CSMD1: variants seen among roughly 807,000 people sequenced by gnomAD.
CSMD1 encodes CUB and Sushi multiple domains 1, also known as CUB and sushi domain-containing protein 1.
Under a neutral mutation model 417.5 loss-of-function variants are expected in CSMD1, and 213 were observed. That is an observed-to-expected ratio of 0.51 (90% CI 0.46 to 0.57). The LOEUF (loss-of-function observed/expected upper bound fraction) is 0.57. Among genes scored for constraint, CSMD1 ranks in the 20% least tolerant of loss-of-function variants. The pLI is 0.00. For synonymous variants in CSMD1, 2,862 were observed against 1,736.8 expected (o/e 1.65, Z -16.11); for missense variants, 6,923 against 4,529.7 (o/e 1.53, Z -15.17).
At chr8:3,238,341 A>G (rs1005493555) in intron 26 of CSMD1, among the ~76,000 whole-genome samples, 2 of 152,182 alleles carry the variant, frequency 1.3e-5, no homozygotes, top group African/African-American at 4.8e-5. Context: ...GGAACTGGCC[A>G]TCTGGATGTG....
At chr8:4,333,347 C>T (rs760382341) in intron 3 of CSMD1, among the ~76,000 whole-genome samples, 5 of 152,022 alleles carry the variant, frequency 3.3e-5, no homozygotes, top group Non-Finnish European at 7.4e-5. Context: ...ACAGAAAGGG[C>T]GAGCGCAGGG....
At chr8:3,292,186 G>C (rs963358363) in intron 25 of CSMD1, among the ~76,000 whole-genome samples, 4 of 152,200 alleles carry the variant, frequency 2.6e-5, no homozygotes, top group African/African-American at 9.6e-5. Flanking sequence ...ACTGTGGTCT[G>C]AGAGACAGTT....
Position 3,956,495 on chromosome 8 carries a change from T to C in CSMD1, c.818+41408A>G, listed in dbSNP as rs143699834. Among the ~76,000 whole-genome samples, 336 of 152,282 alleles carry C rather than the reference T, an allele frequency of 2.2e-3. 1 individual carries two copies. The highest frequency in any genetic ancestry group is 7.7e-3 in the African/African-American group (322 of 41,558). On this transcript the variant is annotated intron_variant, in intron 5 of 69. Transcript: ENST00000635120. ...TCCACGTACATTCCTAAAGAGATTG[T>C]AGGAAAAATAAAGAGGACAGGTGGA...
intron 1 of CSMD1, among the ~76,000 whole-genome samples, chr8:4,917,363 G>A (rs932530639): frequency 3.9e-5 from 6 of 152,308 alleles, no homozygotes; most frequent in East Asian, 1.9e-4. Flanking sequence ...GGCAGGGTGC[G>A]GCGGCTCACG....
chr8:3,364,595 T>C (rs879938840), intron 20 of CSMD1, among the ~76,000 whole-genome samples: 3 of 152,154 alleles, frequency 2.0e-5, no homozygotes, highest in Non-Finnish European at 4.4e-5. Context: ...TGATCCCCTT[T>C]TTGGGAGTGT....
intron 2 of CSMD1, among the ~76,000 whole-genome samples, chr8:4,571,934 G>T (rs1157209503): frequency 6.6e-6 from 1 of 152,138 alleles, no homozygotes; most frequent in East Asian, 1.9e-4. Context: ...CAGAGACTAG[G>T]ATTGCAACCC....
chr8:3,422,231 G>T (rs1813540940), intron 12 of CSMD1, among the ~76,000 whole-genome samples: 1 of 152,084 alleles, frequency 6.6e-6, no homozygotes, highest in South Asian at 2.1e-4. Context: ...TTCCTCAAGG[G>T]CTGGACTCAC....
chr8:4,864,705 C>T (rs970514580), intron 1 of CSMD1, among the ~76,000 whole-genome samples: 1 of 151,714 alleles, frequency 6.6e-6, no homozygotes, highest in Non-Finnish European at 1.5e-5. Flanking sequence ...TCTGCAGAAA[C>T]TACCTTTGAA....
intron 3 of CSMD1, among the ~76,000 whole-genome samples, chr8:4,387,263 A>G (rs902548992): frequency 3.9e-5 from 6 of 152,196 alleles, no homozygotes; most frequent in Non-Finnish European, 7.3e-5. Flanking sequence ...TTCTTAAGCT[A>G]TAGGAGCAGA....
chr8:3,775,148 G>T (rs1798831640), intron 5 of CSMD1, among the ~76,000 whole-genome samples: 1 of 152,174 alleles, frequency 6.6e-6, no homozygotes, highest in African/African-American at 2.4e-5. Context: ...TGCAGATAAG[G>T]AGGAACTACT....
At chr8:4,552,776 G>T (rs1010718511) in intron 2 of CSMD1, among the ~76,000 whole-genome samples, 5 of 152,210 alleles carry the variant, frequency 3.3e-5, no homozygotes, top group South Asian at 4.2e-4. Context: ...CAGAAGGGTG[G>T]TAAAGTGCTT....
rs74796000 is a variant in CSMD1, at chr8:4,471,464, T to A, written c.303-51399A>T. 4.0e-4 allele frequency among the ~76,000 whole-genome samples: 61 copies of A among 152,174 alleles called. No individual in the cohort carries two copies. In the East Asian group the frequency reaches 0.011, roughly 28 times the overall value. On this transcript the variant is annotated intron_variant, in intron 2 of 69. Coordinates refer to ENST00000635120, the MANE Select transcript of CSMD1 (RefSeq NM_033225.6). ...TCAGCAAGCCTCTCGACAAAATCAT[T>A]CACAAGATGCATGTGCCTAACAAAA...
chr8:4,396,872 A>G (rs1189311256), intron 3 of CSMD1, among the ~76,000 whole-genome samples: 1 of 152,092 alleles, frequency 6.6e-6, no homozygotes. Flanking sequence ...AACTTTCAGG[A>G]CTAGGGGGAA....
chr8:4,529,829 C>T (rs1298048187), intron 2 of CSMD1, among the ~76,000 whole-genome samples: 4 of 150,194 alleles, frequency 2.7e-5, no homozygotes, highest in Non-Finnish European at 5.9e-5. Context: ...AATCAAAATT[C>T]GTGCATAGGT....
At chr8:3,287,019 TC>T (rs1265630657) in intron 25 of CSMD1, among the ~76,000 whole-genome samples, 2 of 152,136 alleles carry the variant, frequency 1.3e-5, no homozygotes, top group Admixed American at 1.3e-4. Context: ...AAGGAAGGGA[TC>T]CAGTTTCAGC....
intron 3 of CSMD1, among the ~76,000 whole-genome samples, chr8:4,195,910 C>G (rs953392618): frequency 2.6e-5 from 4 of 152,190 alleles, no homozygotes; most frequent in South Asian, 2.1e-4. Context: ...CCCGAGAAAA[C>G]TATGAGATAA....
At chr8:4,654,399 C>T (rs1056492015) in intron 1 of CSMD1, among the ~76,000 whole-genome samples, 5 of 152,072 alleles carry the variant, frequency 3.3e-5, no homozygotes, top group Non-Finnish European at 5.9e-5. Context: ...GCTCTCTATT[C>T]TGGGGAAGTA....
At chr8:4,565,351 G>A (rs767239645) in intron 2 of CSMD1, among the ~76,000 whole-genome samples, 3 of 152,164 alleles carry the variant, frequency 2.0e-5, no homozygotes, top group African/African-American at 7.2e-5. Context: ...AAAATGGCTT[G>A]TAACAAGCCA....
At chr8:3,782,414 T>G (rs943871099) in intron 5 of CSMD1, among the ~76,000 whole-genome samples, 1 of 152,128 alleles carries the variant, frequency 6.6e-6, no homozygotes, top group African/African-American at 2.4e-5. Context: ...AGACTATAAA[T>G]AGGCTGTTCA....
Sources: gnomAD v4.1 joint callset for allele counts (sites outside exome capture counted in the v4.1 genomes callset) on GRCh38, gnomAD v4.1.1 for gene constraint, MANE v1.5 for transcripts, NCBI Gene and HGNC (gene_info 2026-07-23, HGNC 2026-07-21) for gene names.